The following GABRG3 variants were observed in gnomAD, a reference collection of about 807,000 sequenced individuals.
The protein encoded by GABRG3 is gamma-aminobutyric acid type A receptor subunit gamma3.
Under a neutral mutation model 48.8 loss-of-function variants are expected in GABRG3, and 25 were observed. The observed-to-expected ratio is 0.51, with a 90% CI of 0.37 to 0.72. The LOEUF is 0.72. Ranked by LOEUF, GABRG3 falls within the 30% of genes least tolerant of loss-of-function variation. The probability of loss-of-function intolerance (pLI) is 0.00; values close to 1 mark genes in which losing one functional copy is unlikely to be tolerated. For missense variants in GABRG3, 394 were observed against 577.9 expected, an observed-to-expected ratio of 0.68 and a Z score of 3.26; for synonymous variants, 227 against 217.6, an observed-to-expected ratio of 1.04 and a Z score of -0.38.
intron 3 of GABRG3, among the ~76,000 whole-genome samples, chr15:27,116,436 A>T (rs1416812596): frequency 5.3e-5 from 8 of 152,250 alleles, no homozygotes; most frequent in African/African-American, 1.9e-4. Context: ...TAATGGCAAA[A>T]ACACTAGAAA....
At chr15:27,318,235 G>A (rs1430042720) in intron 3 of GABRG3, among the ~76,000 whole-genome samples, 1 of 152,084 alleles carries the variant, frequency 6.6e-6, no homozygotes, top group African/African-American at 2.4e-5. Flanking sequence ...GTGTGGAATT[G>A]GAATCATTTT....
intron 2 of GABRG3, among the ~76,000 whole-genome samples, chr15:27,001,821 C>T (rs1895452084): frequency 6.7e-6 from 1 of 149,662 alleles, no homozygotes; most frequent in South Asian, 2.1e-4. Context: ...AATCAATTGA[C>T]CACTGGCTGA....
intron 5 of GABRG3, among the ~76,000 whole-genome samples, chr15:27,348,728 C>A (rs897357735): frequency 6.6e-6 from 1 of 152,088 alleles, no homozygotes; most frequent in African/African-American, 2.4e-5. Context: ...AGGTATTACT[C>A]CTATCATGGG....
At chr15:27,220,224 A>C (rs958743477) in intron 3 of GABRG3, among the ~76,000 whole-genome samples, 1 of 152,216 alleles carries the variant, frequency 6.6e-6, no homozygotes, top group African/African-American at 2.4e-5. Flanking sequence ...TGGCCTAAAA[A>C]GGTGGGATAT....
intron 5 of GABRG3, among the ~76,000 whole-genome samples, chr15:27,331,222 C>G (rs149267697): frequency 6.6e-6 from 1 of 152,234 alleles, no homozygotes; most frequent in East Asian, 1.9e-4. Flanking sequence ...CTATATGATC[C>G]AGAATTTGCA....
intron 5 of GABRG3, among the ~76,000 whole-genome samples, chr15:27,353,437 T>TTTA (rs1390980943): frequency 7.8e-4 from 118 of 151,084 alleles, no homozygotes; most frequent in African/African-American, 2.8e-3. Context: ...TATTTATTTA[T>TTTA]TTATTTATTT....
intron 3 of GABRG3, among the ~76,000 whole-genome samples, chr15:27,278,489 C>G (rs1167155675): frequency 6.6e-6 from 1 of 152,208 alleles, no homozygotes; most frequent in African/African-American, 2.4e-5. Context: ...CACCCCCCAT[C>G]CCTAATCCCG....
intron 3 of GABRG3, among the ~76,000 whole-genome samples, chr15:27,054,568 C>A (rs1896509595): frequency 6.6e-6 from 1 of 152,184 alleles, no homozygotes; most frequent in Admixed American, 6.5e-5. Flanking sequence ...CTGAGTGTTA[C>A]AAGAAAGGCG....
intron 3 of GABRG3, among the ~76,000 whole-genome samples, chr15:27,200,713 C>T (rs1316861544): frequency 6.6e-6 from 1 of 152,152 alleles, no homozygotes; most frequent in African/African-American, 2.4e-5. Context: ...GTGAAAGCAG[C>T]TGTAACTTAT....
chr15:27,495,254 A>G (rs1211341543), intron 6 of GABRG3, among the ~76,000 whole-genome samples: 1 of 152,206 alleles, frequency 6.6e-6, no homozygotes, highest in African/African-American at 2.4e-5. Flanking sequence ...TTCACTTAGC[A>G]TAACGTCCTG....
rs149816619 is a variant in GABRG3 at position 27,072,275 on chromosome 15, G to A, written c.270+45454G>A. 2.6e-5 allele frequency among the ~76,000 whole-genome samples: 4 copies of A among 152,144 alleles called. No homozygotes were observed. In the South Asian group the frequency reaches 6.2e-4, roughly 24 times the overall value. ...TTCTCTCTGTGTCCCCAGTCCACTC[G>A]GTAACATTGTGAGGTACATCAACTT... On this transcript the variant is annotated intron_variant, in intron 3 of 9. Transcript: ENST00000615808.
At position 27,296,848 on chromosome 15, in the gene GABRG3, CTTT is replaced by C. The variant is rs34801465; in HGVS notation, c.271-29949_271-29947del. Among the ~76,000 whole-genome samples the C allele has an allele frequency of 4.8e-3, 705 of 147,178 alleles. 2 individuals are homozygous for C. The highest frequency in any genetic ancestry group is 0.017 in the African/African-American group (666 of 40,232). ...TTTTTTGTAAAATGTACTCCTTCTACTTTTTTTTTTTTTTAATTTCATTATAAG... is the reference window on the plus strand; with the variant it reads ...TTTTTTGTAAAATGTACTCCTTCTACTTTTTTTTTTTAATTTCATTATAAG... On this transcript the variant is annotated intron_variant, in intron 3 of 9. Coordinates refer to ENST00000615808, the MANE Select transcript of GABRG3 (RefSeq NM_033223.5).
At chr15:27,221,161 G>A (rs1288881804) in intron 3 of GABRG3, among the ~76,000 whole-genome samples, 11 of 152,240 alleles carry the variant, frequency 7.2e-5, no homozygotes, top group South Asian at 2.1e-4. Context: ...CTTATGAGAC[G>A]TTTGAGAGAG....
At chr15:27,490,333 C>T (rs1169240316) in intron 6 of GABRG3, among the ~76,000 whole-genome samples, 1 of 152,190 alleles carries the variant, frequency 6.6e-6, no homozygotes, top group Non-Finnish European at 1.5e-5. Flanking sequence ...TCTGTGCAGA[C>T]AAGGGATGCT....
chr15:27,010,703 A>G (rs1182849941), intron 2 of GABRG3, among the ~76,000 whole-genome samples: 1 of 152,110 alleles, frequency 6.6e-6, no homozygotes, highest in Admixed American at 6.5e-5. Flanking sequence ...CCCATATCCC[A>G]AACTCCTGGT....
chr15:26,984,979 T>C (rs560836780), intron 2 of GABRG3, among the ~76,000 whole-genome samples: 1 of 152,358 alleles, frequency 6.6e-6, no homozygotes, highest in South Asian at 2.1e-4. Context: ...TATCAATGGC[T>C]AGAGGGCTTC....
At chr15:27,384,033 A>G (rs1399788905) in intron 5 of GABRG3, among the ~76,000 whole-genome samples, 1 of 152,224 alleles carries the variant, frequency 6.6e-6, no homozygotes, top group Non-Finnish European at 1.5e-5. Flanking sequence ...ACTTTCCACA[A>G]TAGATTTCTT....
chr15:27,189,561 T>C (rs1427751894), intron 3 of GABRG3, among the ~76,000 whole-genome samples: 1 of 152,040 alleles, frequency 6.6e-6, no homozygotes, highest in Non-Finnish European at 1.5e-5. Flanking sequence ...ATGCTTGTGA[T>C]TTTTGTACAT....
intron 3 of GABRG3, among the ~76,000 whole-genome samples, chr15:27,260,517 A>G (rs1256585655): frequency 6.6e-6 from 1 of 152,164 alleles, no homozygotes; most frequent in African/African-American, 2.4e-5. Flanking sequence ...CTGCATTCCA[A>G]GGATTCAACC....
Sources: gnomAD v4.1 joint callset for allele counts (sites outside exome capture counted in the v4.1 genomes callset) on GRCh38, gnomAD v4.1.1 for gene constraint, MANE v1.5 for transcripts, NCBI Gene and HGNC (gene_info 2026-07-23, HGNC 2026-07-21) for gene names.